CFAP54: variants seen among roughly 807,000 people sequenced by gnomAD.
CFAP54 encodes the protein cilia and flagella associated protein 54.
CFAP54 carries 290 observed loss-of-function variants against 370.4 expected under a neutral mutation model. The ratio of observed to expected loss-of-function variants is 0.78; its 90% CI spans 0.71 to 0.86. CFAP54 has a LOEUF of 0.86. CFAP54 is among the 40% of genes least tolerant of loss of function. The pLI is 0.00. For missense variants in CFAP54, 3,399 were observed against 3,528.7 expected, an observed-to-expected ratio of 0.96 and a Z score of 0.93; for synonymous variants, 1,206 against 1,236.5, an observed-to-expected ratio of 0.98 and a Z score of 0.52.
At chr12:96,673,250 G>A (rs943908029) in intron 39 of CFAP54, among the ~76,000 whole-genome samples, 1 of 152,144 alleles carries the variant, frequency 6.6e-6, no homozygotes, top group African/African-American at 2.4e-5. Context: ...TAAGTGGTGG[G>A]CCTGTGATTC....
chr12:96,553,362 A>G (rs961335331), intron 15 of CFAP54, among the ~76,000 whole-genome samples: 1 of 152,028 alleles, frequency 6.6e-6, no homozygotes, highest in African/African-American at 2.4e-5. Context: ...ATGGTTAAGG[A>G]TACATACACA....
intron 8 of CFAP54, 69 bp from the exon 9 acceptor site, chr12:96,527,177 A>C: frequency 7.4e-7 from 1 of 1,346,614 alleles, no homozygotes; most frequent in Non-Finnish European, 9.8e-7. Context: ...GATTATAGGC[A>C]TGAGCCACTG....
At chr12:96,733,476 G>T (rs1421068210) in intron 50 of CFAP54, among the ~76,000 whole-genome samples, 1 of 151,466 alleles carries the variant, frequency 6.6e-6, no homozygotes, top group Non-Finnish European at 1.5e-5. Flanking sequence ...AGAAATAAAT[G>T]GGATCAAAGT....
At chr12:96,619,752 G>T (rs1956464158) in intron 26 of CFAP54, among the ~76,000 whole-genome samples, 1 of 152,306 alleles carries the variant, frequency 6.6e-6, no homozygotes, top group Non-Finnish European at 1.5e-5. Context: ...ATTAAGTAGA[G>T]TGGAGAGCAG....
At chr12:96,826,107 A>G (rs1959099152) in intron 65 of CFAP54, among the ~76,000 whole-genome samples, 1 of 145,968 alleles carries the variant, frequency 6.9e-6, no homozygotes, top group Non-Finnish European at 1.5e-5. Flanking sequence ...AAATTACACT[A>G]ATTTTTAAAT....
Position 96,838,568 on chromosome 12 carries a change from G to A in CFAP54, c.9171+9480G>A, listed in dbSNP as rs1266609746. ...GAGAGAGAGAAAAAAAAGTGAGGGG[G>A]GAAGAGCTGCTTATAAAACCGTGAC... On this transcript the variant is annotated intron_variant, in intron 66 of 67. Transcript: ENST00000524981. Among the ~76,000 whole-genome samples the A allele has an allele frequency of 3.9e-5, 6 of 152,126 alleles. No individual in the cohort carries two copies. The East Asian group carries it at 1.2e-3, about 29-fold the overall frequency.
chr12:96,661,225 C>G (rs904577579), intron 38 of CFAP54, among the ~76,000 whole-genome samples: 3 of 152,108 alleles, frequency 2.0e-5, no homozygotes, highest in Admixed American at 6.5e-5. Flanking sequence ...TGGTGAGCAG[C>G]CCCTATCCTG....
At chr12:96,644,092 G>A (rs1223673355) in intron 32 of CFAP54, 86 bp from the exon 33 acceptor site, 1 of 861,272 alleles carries the variant, frequency 1.2e-6, no homozygotes, top group African/African-American at 1.7e-5. Flanking sequence ...ACTTATTGAT[G>A]TATTATTTCC....
chr12:96,819,378 A>G (rs1235127300), intron 65 of CFAP54, among the ~76,000 whole-genome samples: 1 of 152,222 alleles, frequency 6.6e-6, no homozygotes, highest in Non-Finnish European at 1.5e-5. Flanking sequence ...TCATTAGCCA[A>G]ATAATTTATA....
intron 1 of CFAP54, among the ~76,000 whole-genome samples, chr12:96,494,298 C>A (rs1463762077): frequency 6.6e-6 from 1 of 151,800 alleles, no homozygotes; most frequent in African/African-American, 2.4e-5. Flanking sequence ...AAAGGATTAC[C>A]CTTATGTAAT....
At chr12:96,874,838 C>T (rs1377405893) in intron 67 of CFAP54, among the ~76,000 whole-genome samples, 3 of 151,632 alleles carry the variant, frequency 2.0e-5, no homozygotes, top group Admixed American at 1.3e-4. Flanking sequence ...ACCTTGGTCT[C>T]GATCTCCTGA....
At chr12:96,538,054 T>C (rs35362051) in intron 12 of CFAP54, among the ~76,000 whole-genome samples, 61,387 of 151,700 alleles carry the variant, frequency 0.4, 12,936 homozygotes, top group South Asian at 0.47. Context: ...GATCTTGCCA[T>C]TGCACTCCAG....
At chr12:96,612,592 G>A (rs890449896) in intron 26 of CFAP54, among the ~76,000 whole-genome samples, 1 of 152,148 alleles carries the variant, frequency 6.6e-6, no homozygotes, top group South Asian at 2.1e-4. Context: ...ACACAGACTG[G>A]CAAGTTGGAT....
At chr12:96,549,916 CAG>C (rs1250788114) in intron 15 of CFAP54, among the ~76,000 whole-genome samples, 1 of 152,148 alleles carries the variant, frequency 6.6e-6, no homozygotes, top group African/African-American at 2.4e-5. Flanking sequence ...GTTCACCCAG[CAG>C]AGTCTGTAGG....
In CFAP54 at chr12:96,535,539, A is replaced by G; in HGVS notation, c.1730A>G (p.Tyr577Cys). The change falls in exon 12 of 68, where the codon TAT becomes TGT. Residue 577 changes from tyrosine to cysteine, a missense_variant. This residue lies in a region of CFAP54 where 2,796 missense variants were observed against 2,869.7 expected (regional missense o/e 0.97). Coordinates refer to ENST00000524981, the MANE Select transcript of CFAP54 (RefSeq NM_001306084.2). The part of the protein sequence containing the change: ...VHDTCLKTCG[Y>C]SEDIFHLAAT... ...GATACTTGTTTGAAGACTTGTGGATATTCAGAGGATATTTTCCATTTGGCA... is the reference window on the plus strand; with the variant it reads ...GATACTTGTTTGAAGACTTGTGGATGTTCAGAGGATATTTTCCATTTGGCA... 6.5e-7 allele frequency: 1 copy of G among 1,535,844 alleles called. No individual in the cohort carries two copies.
chr12:96,621,503 G>T, intron 26 of CFAP54, 87 bp from the exon 27 acceptor site: 1 of 955,390 alleles, frequency 1.0e-6, no homozygotes, highest in Non-Finnish European at 1.4e-6. Context: ...ACTCTATGGG[G>T]CTTTTGAATT....
chr12:96,568,199 G>C (rs1955880662), intron 19 of CFAP54, among the ~76,000 whole-genome samples: 1 of 148,978 alleles, frequency 6.7e-6, no homozygotes, highest in African/African-American at 2.5e-5. Context: ...TCTTTTTTCA[G>C]AGATCTTCTC....
At chr12:96,689,621 T>A (rs1334245083) in intron 43 of CFAP54, among the ~76,000 whole-genome samples, 1 of 152,164 alleles carries the variant, frequency 6.6e-6, no homozygotes, top group Non-Finnish European at 1.5e-5. Flanking sequence ...TTACCTCATC[T>A]CTAAATTCAG....
At position 96,572,438 on chromosome 12, in the gene CFAP54, A is replaced by AT. The variant is rs201911460; in HGVS notation, c.2620-4135dup. Among the ~76,000 whole-genome samples the AT allele has an allele frequency of 9.7e-3, 1,421 of 146,594 alleles. 37 individuals are homozygous for AT. In the East Asian group the frequency reaches 0.12, roughly 12 times the overall value. On this transcript the variant is annotated intron_variant, in intron 19 of 67. Coordinates refer to ENST00000524981, the MANE Select transcript of CFAP54 (RefSeq NM_001306084.2). ...ATAACAGCATTTTAGGGAATGAGTG[A>AT]TTTTTTTTTTTTATGGTTTCAGAGG...
Sources: gnomAD v4.1 joint callset for allele counts (sites outside exome capture counted in the v4.1 genomes callset) on GRCh38, gnomAD v4.1.1 for gene constraint, gnomAD v4.1.1 regional missense constraint, MANE v1.5 for transcripts, NCBI Gene and HGNC (gene_info 2026-07-23, HGNC 2026-07-21) for gene names.